Variants in ST6GALNAC1 observed in about 807,000 individuals in gnomAD.
ST6GALNAC1 encodes alpha-N-acetylgalactosaminide alpha-2,6-sialyltransferase 1.
Under a neutral mutation model 56.8 loss-of-function variants are expected in ST6GALNAC1, and 45 were observed. The observed-to-expected ratio is 0.79, with a 90% CI of 0.62 to 1.02. ST6GALNAC1 has a LOEUF of 1.02. ST6GALNAC1 is among the 50% of genes least tolerant of loss of function. The probability of loss-of-function intolerance (pLI) is 0.00; values close to 1 mark genes in which losing one functional copy is unlikely to be tolerated. For missense variants in ST6GALNAC1, 743 were observed against 754.8 expected, an observed-to-expected ratio of 0.98 and a Z score of 0.18; for synonymous variants, 295 against 297.8, an observed-to-expected ratio of 0.99 and a Z score of 0.10.
At chr17:76,621,145 C>G (rs973456438), downstream of ST6GALNAC1, among the ~76,000 whole-genome samples, 1 of 151,792 alleles carries the variant, frequency 6.6e-6, no homozygotes, top group South Asian at 2.1e-4. Flanking sequence ...CGTAACCAAT[C>G]CAGCTGTTTC....
chr17:76,625,394 T>A lies in ST6GALNAC1; in HGVS notation c.1739A>T (p.His580Leu), dbSNP rs2075781648. The A allele has an allele frequency of 1.2e-6, 2 of 1,614,054 alleles. No individual in the cohort carries two copies. The highest frequency in any genetic ancestry group is 2.7e-5 in the African/African-American group (2 of 74,934). ...GTACAGCCGGATTATCCCTTCATCG[T>A]GTAGCCGCTTCCAGACTTCTCTCTC... ...KLEREVWKRL[H>L]DEGIIRLYQR... The change falls in exon 9 of 9, where the codon CAC becomes CTC. Residue 580 changes from histidine to leucine, a missense_variant. Coordinates refer to ENST00000156626, the MANE Select transcript of ST6GALNAC1 (RefSeq NM_018414.5).
chr17:76,637,709 C>A (rs1438253649), intron 1 of ST6GALNAC1: 1 of 398,948 alleles, frequency 2.5e-6, no homozygotes, highest in Non-Finnish European at 4.4e-6. Context: ...GGCACCGCAT[C>A]AGATGTCCTG....
intron 1 of ST6GALNAC1, among the ~76,000 whole-genome samples, chr17:76,631,063 C>CTGTGTGTGTG (rs1331837039): frequency 0.023 from 1,706 of 74,388 alleles, 14 homozygotes; most frequent in African/African-American, 0.035. Flanking sequence ...CCCAGCTAAT[C>CTGTGTGTGTG]TCTGTGTGTG....
chr17:76,623,357 C>T (rs749906881), downstream of ST6GALNAC1, among the ~76,000 whole-genome samples: 16 of 152,086 alleles, frequency 1.1e-4, no homozygotes, highest in Non-Finnish European at 1.8e-4. Flanking sequence ...TTTATCCTTC[C>T]GTATGAATGT....
chr17:76,634,440 T>A (rs113995947), intron 1 of ST6GALNAC1, among the ~76,000 whole-genome samples: 2 of 152,090 alleles, frequency 1.3e-5, no homozygotes, highest in African/African-American at 4.8e-5. Flanking sequence ...GTGCCCCACA[T>A]TGTTAGCTGG....
chr17:76,625,091 C>G lies in ST6GALNAC1; in HGVS notation c.*239G>C. Reference sequence around the variant, plus strand: ...ATTGTGGTATTGGCCACCCATCACCCCATTTAATTAAAAATCCCTGGCCTC... The same window carrying G: ...ATTGTGGTATTGGCCACCCATCACCGCATTTAATTAAAAATCCCTGGCCTC... On this transcript the variant is annotated 3_prime_UTR_variant, in exon 9 of 9. Coordinates refer to ENST00000156626, the MANE Select transcript of ST6GALNAC1 (RefSeq NM_018414.5). 2 of 544,130 alleles carry G rather than the reference C, an allele frequency of 3.7e-6. No homozygotes were observed. Among genetic ancestry groups the G allele is most frequent in the South Asian group, 2.6e-5 (1 of 39,164 alleles). 33.7% of individuals were successfully genotyped at this position (544,130 alleles called of 1,614,324 possible). A position where few individuals can be genotyped will look rare whatever the true frequency, so the allele number is the denominator to read the frequency against.
chr17:76,633,505 C>T (rs887744096), intron 1 of ST6GALNAC1: 1 of 152,160 alleles, frequency 6.6e-6, no homozygotes, highest in African/African-American at 2.4e-5. Context: ...AGCGAAACTC[C>T]ATCTCAAATA....
downstream of ST6GALNAC1, among the ~76,000 whole-genome samples, chr17:76,623,881 A>G (rs1005799259): frequency 6.6e-6 from 1 of 152,198 alleles, no homozygotes; most frequent in African/African-American, 2.4e-5. Context: ...CCAATATGGG[A>G]GTAAGGGGGC....
intron 1 of ST6GALNAC1, among the ~76,000 whole-genome samples, chr17:76,630,906 T>C (rs1351686013): frequency 6.8e-6 from 1 of 146,594 alleles, no homozygotes; most frequent in Non-Finnish European, 1.5e-5. Flanking sequence ...TTTTTTTTTT[T>C]CTTTAAGAGA....
chr17:76,622,579 G>C (rs769822987), downstream of ST6GALNAC1, among the ~76,000 whole-genome samples: 36 of 151,972 alleles, frequency 2.4e-4, no homozygotes, highest in Non-Finnish European at 4.1e-4. Context: ...TGGCCAGAAT[G>C]GTCTCAATCT....
intron 1 of ST6GALNAC1, among the ~76,000 whole-genome samples, chr17:76,632,326 G>C (rs2075915167): frequency 1.3e-5 from 2 of 152,092 alleles, no homozygotes; most frequent in Non-Finnish European, 2.9e-5. Flanking sequence ...GGCGGGGAGA[G>C]ATGATGAGGC....
chr17:76,638,382 T>C (rs2076004307), intron 1 of ST6GALNAC1, among the ~76,000 whole-genome samples: 1 of 152,066 alleles, frequency 6.6e-6, no homozygotes, highest in Non-Finnish European at 1.5e-5. Flanking sequence ...ATTGTATTTT[T>C]TATTTTTTTT....
chr17:76,629,423 T>C lies in ST6GALNAC1; in HGVS notation c.420A>G (p.Arg140=). The C allele has an allele frequency of 1.9e-6, 3 of 1,614,188 alleles. No individual in the cohort carries two copies. The change falls in exon 2 of 9, where the codon AGA becomes AGG. Residue 140 remains arginine (R), a synonymous_variant. Transcript: ENST00000156626. ...EKTMVNTLSP[R]GQDAGMASGR... ...CAGAGGCCATCCCTGCATCTTGCCCTCTGGGTGACAGTGTGTTCACCATGG... is the reference window on the plus strand; with the variant it reads ...CAGAGGCCATCCCTGCATCTTGCCCCCTGGGTGACAGTGTGTTCACCATGG...
At chr17:76,642,746 C>A (rs1243958818) in intron 1 of ST6GALNAC1, among the ~76,000 whole-genome samples, 1 of 152,052 alleles carries the variant, frequency 6.6e-6, no homozygotes, top group African/African-American at 2.4e-5. Flanking sequence ...GCCTGGCCAA[C>A]ATGGTGAAAA....
rs2075859236 is a variant in ST6GALNAC1, at chr17:76,629,342, A to G, written c.501T>C (p.Asn167=). The part of the protein sequence containing the change: ...KSQDTKTTQG[N]GGQTRKLTAS... ...CCGTCAGCTTCCTGGTCTGGCCCCC[A>G]TTTCCTTGGGTCGTCTTTGTGTCCT... is the stretch of plus-strand genomic sequence containing the variant. The change falls in exon 2 of 9, where the codon AAT becomes AAC. Residue 167 remains asparagine, a synonymous_variant. Coordinates refer to ENST00000156626, the MANE Select transcript of ST6GALNAC1 (RefSeq NM_018414.5). The G allele has an allele frequency of 6.2e-7, 1 of 1,613,900 alleles. No homozygotes were observed. The highest frequency in any genetic ancestry group is 1.7e-4 in the Middle Eastern group (1 of 6,060).
At chr17:76,621,949 T>TC (rs920430563), downstream of ST6GALNAC1, among the ~76,000 whole-genome samples, 3 of 150,502 alleles carry the variant, frequency 2.0e-5, no homozygotes, top group African/African-American at 4.9e-5. Context: ...TTTTCTTTTT[T>TC]TTTTTTTTTG....
intron 1 of ST6GALNAC1, among the ~76,000 whole-genome samples, chr17:76,633,083 C>G (rs572532611): frequency 1.4e-4 from 21 of 152,078 alleles, no homozygotes; most frequent in African/African-American, 4.8e-4. Flanking sequence ...TTGGCACGCA[C>G]CTGTAATCCC....
intron 5 of ST6GALNAC1, 48 bp downstream of exon 5, chr17:76,626,603 C>T (rs921194051): frequency 1.9e-6 from 3 of 1,612,416 alleles, no homozygotes; most frequent in Admixed American, 1.7e-5. Context: ...CTCCTGTGCT[C>T]CCTCATCCAG....
chr17:76,628,816 C>T lies in ST6GALNAC1; in HGVS notation c.831+196G>A, dbSNP rs561763400. Among the ~76,000 whole-genome samples, 23 of 152,262 alleles carry T rather than the reference C, an allele frequency of 1.5e-4. No homozygotes were observed. In the South Asian group the frequency reaches 4.6e-3, roughly 30 times the overall value. ...CGGGGCCTGCCTGCTCCTCCTCCCC[C>T]ATTGTGGCCATCATTGGAAAGACAA... On this transcript the variant is annotated intron_variant, in intron 2 of 8. Coordinates refer to ENST00000156626, the MANE Select transcript of ST6GALNAC1 (RefSeq NM_018414.5).
Sources: gnomAD v4.1 joint callset for allele counts (sites outside exome capture counted in the v4.1 genomes callset) on GRCh38, gnomAD v4.1.1 for gene constraint, MANE v1.5 for transcripts, NCBI Gene and HGNC (gene_info 2026-07-23, HGNC 2026-07-21) for gene names.